SNAP29: variants seen among roughly 807,000 people sequenced by gnomAD.
The protein encoded by SNAP29 is synaptosomal-associated protein 29.
Under a neutral mutation model 27.9 loss-of-function variants are expected in SNAP29, and 13 were observed. That is an observed-to-expected ratio of 0.47 (90% CI 0.30 to 0.74). SNAP29 has a LOEUF of 0.74. SNAP29 is among the 30% of genes least tolerant of loss of function. The probability of loss-of-function intolerance (pLI) is 0.06; values close to 1 mark genes in which losing one functional copy is unlikely to be tolerated. For synonymous variants in SNAP29, 119 were observed against 127.1 expected, an observed-to-expected ratio of 0.94 and a Z score of 0.43; for missense variants, 368 against 336.5, an observed-to-expected ratio of 1.09 and a Z score of -0.73.
intron 1 of SNAP29, among the ~76,000 whole-genome samples, chr22:20,861,227 C>T (rs1194131010): frequency 2.0e-5 from 3 of 149,608 alleles, no homozygotes; most frequent in Admixed American, 6.7e-5. Flanking sequence ...AAGTGATTCT[C>T]CTGCCTCAGC....
intron 2 of SNAP29, among the ~76,000 whole-genome samples, chr22:20,872,847 T>TC (rs1928629095): frequency 7.0e-6 from 1 of 142,332 alleles, no homozygotes; most frequent in Non-Finnish European, 1.5e-5. Flanking sequence ...TTTTTTTTTT[T>TC]GAGACAGAGT....
chr22:20,883,338 C>G, intron 3 of SNAP29, 133 bp from the exon 4 acceptor site: 1 of 673,272 alleles, frequency 1.5e-6, no homozygotes, highest in Non-Finnish European at 2.8e-6. Context: ...CTCCCTCATC[C>G]CTCTGGATAG....
At chr22:20,865,711 G>C (rs561354481) in intron 1 of SNAP29, among the ~76,000 whole-genome samples, 2 of 152,306 alleles carry the variant, frequency 1.3e-5, no homozygotes, top group South Asian at 4.1e-4. Context: ...ACAATGAAAA[G>C]ATGCTGATTA....
intron 2 of SNAP29, among the ~76,000 whole-genome samples, chr22:20,872,691 C>G (rs1400221700): frequency 6.6e-6 from 1 of 151,888 alleles, no homozygotes; most frequent in East Asian, 1.9e-4. Context: ...TGAGCCACCA[C>G]ATCCGGCCTA....
chr22:20,887,833 C>T lies in SNAP29; in HGVS notation c.774C>T (p.Leu258=). 1 of 1,613,876 alleles carries T rather than the reference C, an allele frequency of 6.2e-7. No homozygotes were observed. Residue 258 remains leucine (L), a synonymous_variant, in exon 5 of 5, where the codon CTC becomes CTT. Transcript: ENST00000215730. The part of the protein sequence containing the change: ...IKSTERKVRQ[L] ...GCACAGAAAGAAAAGTTCGACAACT[C>T]TGAAGACAGACGGATTTCCACTCTA...
At position 20,875,889 on chromosome 22, in the gene SNAP29, A is replaced by G. The variant is rs181438498; in HGVS notation, c.435-5160A>G. ...AAAAAATGGGGGGGCGGCTGGGTGC[A>G]GTGGCTCACGCCTGTAATCCCAGCA... is the stretch of plus-strand genomic sequence containing the variant. On this transcript the variant is annotated intron_variant, in intron 2 of 4. Coordinates refer to ENST00000215730, the MANE Select transcript of SNAP29 (RefSeq NM_004782.4). 3.0e-3 allele frequency among the ~76,000 whole-genome samples: 457 copies of G among 152,006 alleles called. 2 individuals carry two copies. Among genetic ancestry groups the G allele is most frequent in the African/African-American group, 0.01 (420 of 41,474 alleles).
At chr22:20,869,232 C>G (rs1928528857) in intron 1 of SNAP29, among the ~76,000 whole-genome samples, 1 of 152,146 alleles carries the variant, frequency 6.6e-6, no homozygotes, top group African/African-American at 2.4e-5. Flanking sequence ...TGCACTCCAG[C>G]CTGGGTGACA....
intron 1 of SNAP29, among the ~76,000 whole-genome samples, chr22:20,869,685 AG>A (rs1928539295): frequency 6.6e-6 from 1 of 152,194 alleles, no homozygotes. Context: ...CCAACCTGTG[AG>A]GGTTCCCAGA....
rs567385933 is a variant in SNAP29 at position 20,890,358 on chromosome 22, A to G, written c.*2522A>G. 1 of 398,626 alleles carries G rather than the reference A, an allele frequency of 2.5e-6. No individual in the cohort carries two copies. Among genetic ancestry groups the G allele is most frequent in the South Asian group, 1.3e-4 (1 of 7,862 alleles). 24.7% of individuals were successfully genotyped at this position (398,626 alleles called of 1,614,324 possible). A position where few individuals can be genotyped will look rare whatever the true frequency, so the allele number is the denominator to read the frequency against. ...GGCTGACTGTGGGATGGGATTTGGT[A>G]CTGCAGACAGATTTTGATTTCCACA... On this transcript the variant is annotated 3_prime_UTR_variant, in exon 5 of 5. Transcript: ENST00000215730.
At chr22:20,867,761 A>G (rs991404781) in intron 1 of SNAP29, among the ~76,000 whole-genome samples, 30 of 151,990 alleles carry the variant, frequency 2.0e-4, no homozygotes, top group Admixed American at 1.8e-3. Context: ...AGTAGCACAG[A>G]CTCTGGGAGT....
intron 1 of SNAP29, among the ~76,000 whole-genome samples, chr22:20,866,939 A>G (rs1193666665): frequency 1.3e-5 from 2 of 152,170 alleles, no homozygotes; most frequent in African/African-American, 4.8e-5. Context: ...GCACGCGTGC[A>G]GTAGCTTTAG....
At chr22:20,868,651 C>T (rs550292201) in intron 1 of SNAP29, among the ~76,000 whole-genome samples, 1 of 152,190 alleles carries the variant, frequency 6.6e-6, no homozygotes, top group South Asian at 2.1e-4. Flanking sequence ...ATTGCTAAGC[C>T]ACAGGGTGAT....
chr22:20,876,106 A>G (rs1928738232), intron 2 of SNAP29, among the ~76,000 whole-genome samples: 1 of 151,460 alleles, frequency 6.6e-6, no homozygotes, highest in South Asian at 2.1e-4. Flanking sequence ...GGTTGCAGTG[A>G]GCCAAGATCA....
At chr22:20,887,081 C>T (rs1031130167) in intron 4 of SNAP29, among the ~76,000 whole-genome samples, 2 of 151,900 alleles carry the variant, frequency 1.3e-5, no homozygotes, top group East Asian at 2.0e-4. Context: ...AAAAATTAGT[C>T]GGGTGTGGTG....
At chr22:20,882,763 A>C (rs1028527312) in intron 3 of SNAP29, among the ~76,000 whole-genome samples, 5 of 152,230 alleles carry the variant, frequency 3.3e-5, no homozygotes, top group African/African-American at 9.6e-5. Context: ...AACTTAAAAG[A>C]CTGAAGAAAA....
intron 1 of SNAP29, among the ~76,000 whole-genome samples, chr22:20,864,988 A>G (rs1928423310): frequency 6.6e-6 from 1 of 152,224 alleles, no homozygotes; most frequent in African/African-American, 2.4e-5. Flanking sequence ...ATGGCATTGG[A>G]CCACATACTC....
chr22:20,874,325 C>G (rs982020017), intron 2 of SNAP29, among the ~76,000 whole-genome samples: 2 of 146,686 alleles, frequency 1.4e-5, no homozygotes, highest in African/African-American at 2.5e-5. Context: ...CAGACACACA[C>G]ACACACACAC....
At position 20,887,675 on chromosome 22, in the gene SNAP29, G is replaced by T. The variant is rs199538534; in HGVS notation, c.620-4G>T. 1.5e-5 allele frequency: 24 copies of T among 1,614,020 alleles called. No individual in the cohort carries two copies. The highest frequency in any genetic ancestry group is 1.9e-5 in the Non-Finnish European group (23 of 1,180,020). ...TGCCTGCGTGTCATTTCCTCCTCCT[G>T]CAGATGAGCTGTCCATGGGACTGGG... On this transcript the variant is annotated splice_polypyrimidine_tract_variant and splice_region_variant and intron_variant, in intron 4 of 4. Coordinates refer to ENST00000215730, the MANE Select transcript of SNAP29 (RefSeq NM_004782.4).
intron 3 of SNAP29, among the ~76,000 whole-genome samples, chr22:20,881,908 C>A (rs534300142): frequency 9.2e-5 from 14 of 152,244 alleles, no homozygotes; most frequent in Non-Finnish European, 1.8e-4. Flanking sequence ...GATGGAGTTA[C>A]AATTGCTAAT....
Sources: gnomAD v4.1 joint callset for allele counts (sites outside exome capture counted in the v4.1 genomes callset) on GRCh38, gnomAD v4.1.1 for gene constraint, MANE v1.5 for transcripts, NCBI Gene and HGNC (gene_info 2026-07-23, HGNC 2026-07-21) for gene names.